TSHZ2: variants seen among roughly 807,000 people sequenced by gnomAD.
TSHZ2 encodes the protein teashirt homolog 2.
TSHZ2 carries 21 observed loss-of-function variants against 74.4 expected under a neutral mutation model. The observed-to-expected ratio is 0.28, with a 90% CI of 0.20 to 0.41. TSHZ2 has a LOEUF of 0.41. Ranked by LOEUF, TSHZ2 falls within the 10% of genes least tolerant of loss-of-function variation. The pLI is 1.00. For synonymous variants in TSHZ2, 540 were observed against 515.3 expected, an observed-to-expected ratio of 1.05 and a Z score of -0.65; for missense variants, 1,244 against 1,293.5, an observed-to-expected ratio of 0.96 and a Z score of 0.59.
rs1990481448 is a variant in TSHZ2 at position 53,256,341 on chromosome 20, G to T, written c.2883G>T (p.Val961=). The change falls in exon 2 of 3, where the codon GTG becomes GTT. Residue 961 remains valine (V), a synonymous_variant. Coordinates refer to ENST00000371497, the MANE Select transcript of TSHZ2 (RefSeq NM_173485.6). This position sits in a 1 kb window ranked among gnomAD's most constrained non-coding sequence, Gnocchi z 4.3. The stretch of plus-strand genomic sequence containing the variant: ...TGAAGGACATGACCCGCTTGTCAGT[G>T]GACCAGCAAAGCAAGGTGGAGCAAG... The part of the protein sequence containing the change: ...FQMKDMTRLS[V]DQQSKVEQEI... The T allele has an allele frequency of 6.2e-7, 1 of 1,613,476 alleles. No homozygotes were observed. Among genetic ancestry groups the T allele is most frequent in the South Asian group, 1.1e-5 (1 of 91,046 alleles).
chr20:53,190,841 C>T (rs997521517), intron 1 of TSHZ2, among the ~76,000 whole-genome samples: 5 of 152,118 alleles, frequency 3.3e-5, no homozygotes, highest in Non-Finnish European at 7.4e-5. Flanking sequence ...ATCACCCTAC[C>T]GAGGGCAGAA....
At chr20:53,127,018 TA>T (rs201808287) in intron 1 of TSHZ2, among the ~76,000 whole-genome samples, 3 of 147,296 alleles carry the variant, frequency 2.0e-5, no homozygotes, top group Admixed American at 6.8e-5. Flanking sequence ...AGGAAAAAGG[TA>T]AAAAAAAAGA....
intron 2 of TSHZ2, among the ~76,000 whole-genome samples, chr20:53,351,137 G>A (rs1025669904): frequency 2.0e-5 from 3 of 152,166 alleles, no homozygotes; most frequent in Non-Finnish European, 4.4e-5. Context: ...CAAATTGGAC[G>A]AGACTAACTT....
At chr20:53,283,091 G>A (rs574530249) in intron 2 of TSHZ2, among the ~76,000 whole-genome samples, 2 of 152,282 alleles carry the variant, frequency 1.3e-5, no homozygotes, top group South Asian at 2.1e-4. Context: ...TGGAGTTAGC[G>A]CCCTACCAGT....
intron 1 of TSHZ2, among the ~76,000 whole-genome samples, chr20:53,065,910 T>A (rs1198158063): frequency 2.0e-5 from 3 of 152,194 alleles, no homozygotes; most frequent in Non-Finnish European, 4.4e-5. Context: ...TGTGCCTAAG[T>A]TCCAGGGTGT....
intron 2 of TSHZ2, among the ~76,000 whole-genome samples, chr20:53,442,099 T>G (rs1984356682): frequency 6.6e-6 from 1 of 151,982 alleles, no homozygotes; most frequent in African/African-American, 2.4e-5. Flanking sequence ...GTAGATGAGG[T>G]TAGAGGAATG....
chr20:53,251,155 T>C (rs1335009221), intron 1 of TSHZ2, among the ~76,000 whole-genome samples: 1 of 152,234 alleles, frequency 6.6e-6, no homozygotes, highest in Non-Finnish European at 1.5e-5. Context: ...TTTGTTGCTG[T>C]GATTACGTTA....
At chr20:53,452,893 A>G (rs868236413) in intron 2 of TSHZ2, among the ~76,000 whole-genome samples, 1 of 152,118 alleles carries the variant, frequency 6.6e-6, no homozygotes, top group Non-Finnish European at 1.5e-5. Context: ...CATATCCTCC[A>G]TTGACTAGAA....
chr20:53,258,699 A>G (rs2123734270), intron 2 of TSHZ2, among the ~76,000 whole-genome samples: 1 of 152,332 alleles, frequency 6.6e-6, no homozygotes, highest in South Asian at 2.1e-4. Flanking sequence ...AATCCATTAA[A>G]TACATAGATA....
intron 1 of TSHZ2, among the ~76,000 whole-genome samples, chr20:53,023,476 T>C (rs962139271): frequency 6.6e-6 from 1 of 152,212 alleles, no homozygotes; most frequent in Non-Finnish European, 1.5e-5. Context: ...TTTGGCAATT[T>C]ACATTTTTAG....
chr20:52,999,952 G>T (rs1051174455), intron 1 of TSHZ2, among the ~76,000 whole-genome samples: 9 of 152,202 alleles, frequency 5.9e-5, no homozygotes, highest in Admixed American at 6.5e-5. Context: ...TGGTGACGAT[G>T]ATGATGGTAA....
chr20:53,234,504 C>T (rs1989896470), intron 1 of TSHZ2, among the ~76,000 whole-genome samples: 2 of 152,010 alleles, frequency 1.3e-5, no homozygotes, highest in African/African-American at 2.4e-5. Context: ...TAGTAAGCTA[C>T]AAGTTGGTAA....
intron 2 of TSHZ2, among the ~76,000 whole-genome samples, chr20:53,371,839 C>A (rs1981482744): frequency 6.8e-6 from 1 of 148,054 alleles, no homozygotes; most frequent in Non-Finnish European, 1.5e-5. Flanking sequence ...CATGCCACTG[C>A]ACTCCAATCT....
intron 2 of TSHZ2, among the ~76,000 whole-genome samples, chr20:53,435,907 C>T (rs1468131485): frequency 6.6e-6 from 1 of 152,194 alleles, no homozygotes; most frequent in African/African-American, 2.4e-5. Flanking sequence ...TATTTATCAC[C>T]CTGTGTCTCA....
rs539908458 is a variant in TSHZ2, at chr20:53,308,910, A to G, written c.*8+52339A>G. On this transcript the variant is annotated intron_variant, in intron 2 of 2. Transcript: ENST00000371497. ...ATGGTTTGGGCTTGAGTTTATTGTT[A>G]TATGGTTCCTGAGGCCTTGCATCGG... Among the ~76,000 whole-genome samples the G allele has an allele frequency of 1.1e-4, 17 of 152,260 alleles. 1 individual carries two copies. The East Asian group carries it at 1.2e-3, about 10-fold the overall frequency.
At chr20:53,011,795 AG>A (rs1311326486) in intron 1 of TSHZ2, among the ~76,000 whole-genome samples, 1 of 152,222 alleles carries the variant, frequency 6.6e-6, no homozygotes, top group South Asian at 2.1e-4. Context: ...ACAACCCCAC[AG>A]CTGCCTTTGG....
intron 1 of TSHZ2, among the ~76,000 whole-genome samples, chr20:53,119,835 CT>C (rs892174252): frequency 1.3e-5 from 2 of 152,186 alleles, no homozygotes; most frequent in African/African-American, 4.8e-5. Context: ...TATTTCTTCC[CT>C]TCTGCATCAC....
At chr20:53,385,119 CAAAAAATAAAAATTAAAAAAT>C (rs1372136757) in intron 2 of TSHZ2, among the ~76,000 whole-genome samples, 9 of 151,448 alleles carry the variant, frequency 5.9e-5, no homozygotes, top group Admixed American at 3.3e-4. Flanking sequence ...GACTCCGTCT[CAAAAAATAAAAATTAAAAAAT>C]GAAAAATCAA....
At chr20:53,327,809 GAGC>G (rs1979558128) in intron 2 of TSHZ2, among the ~76,000 whole-genome samples, 2 of 152,328 alleles carry the variant, frequency 1.3e-5, no homozygotes, top group African/African-American at 4.8e-5. Context: ...ACAGGCTAGG[GAGC>G]CTGGGTGGAA....
Sources: allele counts gnomAD v4.1 joint callset (sites outside exome capture counted in the v4.1 genomes callset), GRCh38; gene constraint gnomAD v4.1.1; non-coding constraint Gnocchi (gnomAD v3.1); transcripts MANE v1.5; gene names NCBI Gene and HGNC (gene_info 2026-07-23, HGNC 2026-07-21).